Variants in DNM3 observed in about 807,000 individuals in gnomAD.
DNM3 encodes dynamin-3.
A neutral mutation model predicts 101.6 loss-of-function variants in DNM3; 47 were observed. That is an observed-to-expected ratio of 0.46 (90% confidence interval 0.37 to 0.59). DNM3 has a LOEUF of 0.59. DNM3 is among the 20% of genes least tolerant of loss of function. DNM3 has a pLI of 0.00. For synonymous variants in DNM3, 385 were observed against 387.9 expected, an observed-to-expected ratio of 0.99 and a Z score of 0.09; for missense variants, 849 against 1,085.7, an observed-to-expected ratio of 0.78 and a Z score of 3.06.
intron 12 of DNM3, among the ~76,000 whole-genome samples, chr1:172,088,157 G>A (rs966035515): frequency 2.6e-5 from 4 of 152,182 alleles, no homozygotes; most frequent in Admixed American, 6.5e-5. Context: ...TACCAAGATT[G>A]ATGCTCTTGA....
chr1:172,361,479 A>G (rs576173553), intron 17 of DNM3, among the ~76,000 whole-genome samples: 1 of 151,988 alleles, frequency 6.6e-6, no homozygotes, highest in South Asian at 2.1e-4. Context: ...ACCTTCAATC[A>G]CTTAACTCCC....
At chr1:172,324,159 T>C (rs2065845509) in intron 17 of DNM3, among the ~76,000 whole-genome samples, 1 of 152,190 alleles carries the variant, frequency 6.6e-6, no homozygotes, top group Non-Finnish European at 1.5e-5. Context: ...TACGTTTAGT[T>C]GGGCGATTTG....
intron 2 of DNM3, among the ~76,000 whole-genome samples, chr1:171,966,245 T>C (rs1189155588): frequency 6.6e-6 from 1 of 152,176 alleles, no homozygotes; most frequent in East Asian, 1.9e-4. Context: ...TGGTGCCCAG[T>C]CTACTCCCAC....
At chr1:172,145,324 GTC>G (rs535746382) in intron 14 of DNM3, among the ~76,000 whole-genome samples, 102 of 140,556 alleles carry the variant, frequency 7.3e-4, no homozygotes, top group South Asian at 8.9e-4. Flanking sequence ...CTGTCTGTCT[GTC>G]TCTCTCTCTC....
chr1:171,924,717 G>T (rs563843803), intron 2 of DNM3, among the ~76,000 whole-genome samples: 3 of 152,270 alleles, frequency 2.0e-5, no homozygotes, highest in African/African-American at 7.2e-5. Flanking sequence ...GATGAGATTT[G>T]GGTGGGGACA....
At chr1:172,302,952 A>G (rs1465373841) in intron 15 of DNM3, among the ~76,000 whole-genome samples, 3 of 152,192 alleles carry the variant, frequency 2.0e-5, no homozygotes, top group African/African-American at 7.2e-5. Context: ...TGAAAATTCT[A>G]AAAACCAGAG....
At chr1:172,257,774 C>T (rs2062465867) in intron 15 of DNM3, among the ~76,000 whole-genome samples, 2 of 151,850 alleles carry the variant, frequency 1.3e-5, no homozygotes, top group African/African-American at 4.8e-5. Flanking sequence ...TAACTATAGT[C>T]ACCATACTCT....
chr1:172,251,676 A>G (rs2062175341), intron 14 of DNM3, among the ~76,000 whole-genome samples: 1 of 152,124 alleles, frequency 6.6e-6, no homozygotes, highest in Non-Finnish European at 1.5e-5. Context: ...AAGAGAGCCT[A>G]CTTCTATAGA....
chr1:172,369,102 A>G (rs577105642), intron 17 of DNM3, among the ~76,000 whole-genome samples: 1 of 152,050 alleles, frequency 6.6e-6, no homozygotes, highest in African/African-American at 2.4e-5. Flanking sequence ...AGAAAATGGA[A>G]GGGAATTTTT....
At chr1:172,058,368 C>T (rs1001553549) in intron 10 of DNM3, among the ~76,000 whole-genome samples, 10 of 150,896 alleles carry the variant, frequency 6.6e-5, no homozygotes, top group African/African-American at 2.4e-4. Context: ...ACAGAACTCT[C>T]CACCCCAAAT....
Position 172,078,281 on chromosome 1 carries a change from A to C in DNM3, c.1423-3551A>C, listed in dbSNP as rs572233056. Among the ~76,000 whole-genome samples the C allele has an allele frequency of 5.3e-5, 8 of 152,096 alleles. No individual in the cohort carries two copies. The South Asian group carries it at 1.2e-3, about 24-fold the overall frequency. ...CTAATTTTTTGTATTTTTAGTAGAG[A>C]TAGGGTTTCATCATATTAGCCAGGA... is the stretch of plus-strand genomic sequence containing the variant. On this transcript the variant is annotated intron_variant, in intron 11 of 20. Coordinates refer to ENST00000627582, the MANE Select transcript of DNM3 (RefSeq NM_015569.5).
chr1:171,945,823 AT>A (rs2042138745), intron 2 of DNM3, among the ~76,000 whole-genome samples: 1 of 152,178 alleles, frequency 6.6e-6, no homozygotes, highest in South Asian at 2.1e-4. Context: ...AGGAGGTGGC[AT>A]TTCAGGTAAG....
intron 2 of DNM3, among the ~76,000 whole-genome samples, chr1:171,951,003 T>C (rs774609105): frequency 1.3e-5 from 2 of 152,158 alleles, no homozygotes; most frequent in Non-Finnish European, 2.9e-5. Flanking sequence ...GGGTGTGCTG[T>C]GTCGTCTGGT....
At chr1:172,044,027 A>T (rs1325107380) in intron 8 of DNM3, among the ~76,000 whole-genome samples, 1 of 152,202 alleles carries the variant, frequency 6.6e-6, no homozygotes, top group Non-Finnish European at 1.5e-5. Context: ...ACAGCAGGTG[A>T]AACTCTCATT....
At chr1:172,163,952 TATATAC>T (rs1558662777) in intron 14 of DNM3, among the ~76,000 whole-genome samples, 1 of 110,796 alleles carries the variant, frequency 9.0e-6, no homozygotes, top group East Asian at 2.1e-4. Context: ...TGCATACATA[TATATAC>T]ACACACACAC....
intron 1 of DNM3, among the ~76,000 whole-genome samples, chr1:171,888,389 G>T (rs1485453629): frequency 1.3e-5 from 2 of 152,046 alleles, no homozygotes; most frequent in Admixed American, 6.6e-5. Context: ...ACATTTAAAA[G>T]AATTTTTAAT....
At chr1:172,075,649 C>T (rs187161301) in intron 11 of DNM3, among the ~76,000 whole-genome samples, 3 of 152,166 alleles carry the variant, frequency 2.0e-5, no homozygotes, top group Admixed American at 6.5e-5. Flanking sequence ...TTTCTGAGGC[C>T]TCTGTCCTAT....
chr1:172,016,330 C>T (rs1372008760), intron 4 of DNM3, among the ~76,000 whole-genome samples: 3 of 152,024 alleles, frequency 2.0e-5, no homozygotes, highest in Non-Finnish European at 2.9e-5. Context: ...TGAATTTTGT[C>T]AATTTTTTCT....
At position 172,292,666 on chromosome 1, in the gene DNM3, C is replaced by T. The variant is rs534406080; in HGVS notation, c.1770-16062C>T. ...CTTACACGCAACTATTAAGTTGGTG[C>T]AAAAGTATTGCGGTTTTTGCAAAAA... On this transcript the variant is annotated intron_variant, in intron 15 of 20. Coordinates refer to ENST00000627582, the MANE Select transcript of DNM3 (RefSeq NM_015569.5). 9.9e-5 allele frequency among the ~76,000 whole-genome samples: 15 copies of T among 152,096 alleles called. No homozygotes were observed. In the South Asian group the frequency reaches 2.7e-3, roughly 27 times the overall value.
Sources: gnomAD v4.1 joint callset for allele counts (sites outside exome capture counted in the v4.1 genomes callset) on GRCh38, gnomAD v4.1.1 for gene constraint, MANE v1.5 for transcripts, NCBI Gene and HGNC (gene_info 2026-07-23, HGNC 2026-07-21) for gene names.